The following ELMO1 variants were observed in gnomAD, a reference collection of about 807,000 sequenced individuals.
ELMO1 encodes engulfment and cell motility protein 1.
Under a neutral mutation model 98.9 loss-of-function variants are expected in ELMO1, and 26 were observed. The observed-to-expected ratio is 0.26, with a 90% CI of 0.19 to 0.36. The LOEUF (loss-of-function observed/expected upper bound fraction) is 0.36, where lower values mean the gene tolerates loss of function less well. Among genes scored for constraint, ELMO1 ranks in the 10% least tolerant of loss-of-function variants. The pLI, the probability that ELMO1 is intolerant of heterozygous loss-of-function variation, is 1.00. For synonymous variants in ELMO1, 346 were observed against 346.0 expected, an observed-to-expected ratio of 1.00 and a Z score of 0.00; for missense variants, 627 against 935.2, an observed-to-expected ratio of 0.67 and a Z score of 4.30.
chr7:37,403,541 CTCATT>C (rs1341479746), intron 1 of ELMO1, among the ~76,000 whole-genome samples: 1 of 149,956 alleles, frequency 6.7e-6, no homozygotes, highest in Non-Finnish European at 1.5e-5. Flanking sequence ...AACTGTCTTT[CTCATT>C]TATTTATTTA....
At chr7:36,958,490 C>T (rs1338819761) in intron 16 of ELMO1, among the ~76,000 whole-genome samples, 1 of 152,180 alleles carries the variant, frequency 6.6e-6, no homozygotes, top group African/African-American at 2.4e-5. Context: ...CATCAGATAA[C>T]TTAGATCCTC....
chr7:37,085,123 C>G (rs977267872), intron 15 of ELMO1, among the ~76,000 whole-genome samples: 15 of 152,154 alleles, frequency 9.9e-5, no homozygotes, highest in Non-Finnish European at 7.4e-5. Flanking sequence ...TTGGCATCCA[C>G]CTTCTAATCT....
At chr7:36,895,119 C>A in intron 16 of ELMO1, 102 bp from the exon 17 acceptor site, 1 of 1,327,506 alleles carries the variant, frequency 7.5e-7, no homozygotes, top group Non-Finnish European at 1.0e-6. Flanking sequence ...GTGCCCTCTG[C>A]ACGCATGCTC....
chr7:37,024,935 G>A (rs558653040), intron 15 of ELMO1, among the ~76,000 whole-genome samples: 4 of 152,192 alleles, frequency 2.6e-5, no homozygotes, highest in Non-Finnish European at 5.9e-5. Context: ...GTCATCTTGT[G>A]AGATGTTGAA....
At chr7:37,272,719 A>G (rs1049288394) in intron 4 of ELMO1, among the ~76,000 whole-genome samples, 4 of 152,124 alleles carry the variant, frequency 2.6e-5, no homozygotes, top group South Asian at 2.1e-4. Context: ...AATACATGCT[A>G]TAACATGGAT....
intron 4 of ELMO1, among the ~76,000 whole-genome samples, chr7:37,281,123 A>C (rs1797115667): frequency 6.6e-6 from 1 of 152,006 alleles, no homozygotes. Context: ...TTCTAAGTAA[A>C]TTAGGAATGC....
chr7:37,315,306 G>A (rs1215952160), intron 3 of ELMO1, among the ~76,000 whole-genome samples: 1 of 152,140 alleles, frequency 6.6e-6, no homozygotes, highest in East Asian at 1.9e-4. Flanking sequence ...AATTGTCTCT[G>A]TATTCTACAA....
In ELMO1 at chr7:36,970,554, G is replaced by A. The variant is rs376294595; in HGVS notation, c.1437+42745C>T. Reference sequence around the variant, plus strand: ...TCACTGTTTTCTAAGATCCCTGAGAGCAAAAGCTGGATTGTATTCTTTTTG... The same window carrying A: ...TCACTGTTTTCTAAGATCCCTGAGAACAAAAGCTGGATTGTATTCTTTTTG... On this transcript the variant is annotated intron_variant, in intron 16 of 21. Coordinates refer to ENST00000310758, the MANE Select transcript of ELMO1 (RefSeq NM_014800.11). Among the ~76,000 whole-genome samples, 109 of 152,304 alleles carry A rather than the reference G, an allele frequency of 7.2e-4. 2 individuals are homozygous for A. The East Asian group carries it at 9.1e-3, about 13-fold the overall frequency.
rs755237121 is a variant in ELMO1, at chr7:37,086,743, C to CAAAAA, written c.1300+9871_1300+9875dup. Among the ~76,000 whole-genome samples the CAAAAA allele has an allele frequency of 6.1e-3, 296 of 48,776 alleles. 1 individual carries two copies. Among genetic ancestry groups the CAAAAA allele is most frequent in the African/African-American group, 0.02 (284 of 14,020 alleles). 32.0% of individuals were successfully genotyped at this position (48,776 alleles called of 152,430 possible). On this transcript the variant is annotated intron_variant, in intron 15 of 21. Transcript: ENST00000310758. ...GGGCAACAGAGTGAGATCCTGTCTC[C>CAAAAA]AAAAAAAAAAAAAAAAAAAAAAGAA...
chr7:37,151,285 T>C lies in ELMO1; in HGVS notation c.1087-18051A>G, dbSNP rs565359092. Among the ~76,000 whole-genome samples, 24 of 152,318 alleles carry C rather than the reference T, an allele frequency of 1.6e-4. No individual in the cohort carries two copies. The Middle Eastern group carries it at 0.01, about 65-fold the overall frequency. ...GGCTTTAAAAAACCCCCATCCTTTA[T>C]TGTAATCCTTGAAGCCTACACCTCC... On this transcript the variant is annotated intron_variant, in intron 13 of 21. Coordinates refer to ENST00000310758, the MANE Select transcript of ELMO1 (RefSeq NM_014800.11).
At chr7:37,154,958 G>A (rs1039577454) in intron 13 of ELMO1, among the ~76,000 whole-genome samples, 14 of 152,302 alleles carry the variant, frequency 9.2e-5, no homozygotes, top group East Asian at 3.9e-4. Flanking sequence ...GACTAACAGC[G>A]GATCTTTCTG....
At chr7:37,384,006 G>A (rs1259452883) in intron 1 of ELMO1, among the ~76,000 whole-genome samples, 12 of 152,058 alleles carry the variant, frequency 7.9e-5, no homozygotes, top group African/African-American at 2.9e-4. Context: ...TAGTAGAGAC[G>A]GGGTTTCACC....
At chr7:36,988,792 G>C (rs957804311) in intron 16 of ELMO1, among the ~76,000 whole-genome samples, 3 of 152,244 alleles carry the variant, frequency 2.0e-5, no homozygotes, top group African/African-American at 7.2e-5. Flanking sequence ...GAATGACTGG[G>C]AGGATGGTGT....
chr7:37,137,837 C>T (rs948336182), intron 13 of ELMO1, among the ~76,000 whole-genome samples: 1 of 151,998 alleles, frequency 6.6e-6, no homozygotes, highest in African/African-American at 2.4e-5. Flanking sequence ...GTGCCTGGCC[C>T]AAGTCTCAGT....
At chr7:37,369,906 C>T (rs1274451075) in intron 1 of ELMO1, among the ~76,000 whole-genome samples, 3 of 152,182 alleles carry the variant, frequency 2.0e-5, no homozygotes, top group Non-Finnish European at 4.4e-5. Context: ...CGTCTCCCTA[C>T]TCCTTCTGAT....
chr7:36,899,869 G>A (rs541391253), intron 16 of ELMO1, among the ~76,000 whole-genome samples: 2 of 151,162 alleles, frequency 1.3e-5, no homozygotes, highest in Admixed American at 6.6e-5. Context: ...AAATTCACAG[G>A]GTTGTAAAAT....
intron 13 of ELMO1, among the ~76,000 whole-genome samples, chr7:37,193,233 AG>A (rs765347369): frequency 2.8e-4 from 42 of 151,908 alleles, no homozygotes; most frequent in South Asian, 4.2e-4. Flanking sequence ...ATTCTTGGTG[AG>A]GGGGGAGGCT....
intron 13 of ELMO1, chr7:37,203,982 G>A (rs1211109780): frequency 5.6e-5 from 24 of 428,772 alleles, no homozygotes; most frequent in South Asian, 2.2e-4. Context: ...AGCCTGACAC[G>A]TGTGTCTTTA....
intron 2 of ELMO1, among the ~76,000 whole-genome samples, chr7:37,331,564 T>C (rs988081128): frequency 1.3e-5 from 2 of 152,014 alleles, no homozygotes; most frequent in African/African-American, 4.8e-5. Context: ...ATTTGCTTTG[T>C]CCTCATAATC....
Sources: allele counts gnomAD v4.1 joint callset (sites outside exome capture counted in the v4.1 genomes callset), GRCh38; gene constraint gnomAD v4.1.1; transcripts MANE v1.5; gene names NCBI Gene and HGNC (gene_info 2026-07-23, HGNC 2026-07-21).